Variants in ZNF277 observed in about 807,000 individuals in gnomAD.
ZNF277 encodes the protein zinc finger protein 277.
Under a neutral mutation model 60.7 loss-of-function variants are expected in ZNF277, and 55 were observed. That is an observed-to-expected ratio of 0.91 (90% CI 0.73 to 1.13). ZNF277 has a LOEUF of 1.13. ZNF277 is among the 50% of genes most tolerant of loss of function. ZNF277 has a pLI of 0.00. For synonymous variants in ZNF277, 178 were observed against 179.3 expected (o/e 0.99, Z 0.06); for missense variants, 510 against 523.0 (o/e 0.98, Z 0.24).
intron 1 of ZNF277, among the ~76,000 whole-genome samples, chr7:112,261,351 G>A (rs1791434775): frequency 6.6e-6 from 1 of 152,072 alleles, no homozygotes; most frequent in South Asian, 2.1e-4. Context: ...TTGGTTTTCA[G>A]CTTATTTATT....
chr7:112,341,975 C>T (rs1219535494), intron 11 of ZNF277, among the ~76,000 whole-genome samples: 1 of 151,488 alleles, frequency 6.6e-6, no homozygotes, highest in Non-Finnish European at 1.5e-5. Context: ...ACCAGAATAA[C>T]AAACTTTATA....
At chr7:112,230,605 CCT>C (rs1393756840) in intron 1 of ZNF277, among the ~76,000 whole-genome samples, 1 of 152,130 alleles carries the variant, frequency 6.6e-6, no homozygotes, top group African/African-American at 2.4e-5. Flanking sequence ...AGTAATTAAA[CCT>C]CTTTGTTGAG....
In ZNF277 at chr7:112,330,132, T is replaced by C. The variant is rs757920493; in HGVS notation, c.717T>C (p.Leu239=). 3 of 1,613,494 alleles carry C rather than the reference T, an allele frequency of 1.9e-6. No homozygotes were observed. In the South Asian group the frequency reaches 3.3e-5, roughly 18 times the overall value. The change falls in exon 7 of 12, where the codon CTT becomes CTC. Residue 239 remains leucine, a synonymous_variant. Coordinates refer to ENST00000361822, the MANE Select transcript of ZNF277 (RefSeq NM_021994.3). The stretch of plus-strand genomic sequence containing the variant: ...AGACCTTCAGGGACAAAAATACACT[T>C]AAAGATCACATGAGGAAAAAACAGC... ...CEKTFRDKNT[L]KDHMRKKQHR...
intron 4 of ZNF277, among the ~76,000 whole-genome samples, chr7:112,309,700 A>T (rs1792679025): frequency 1.3e-5 from 2 of 151,956 alleles, no homozygotes; most frequent in African/African-American, 4.8e-5. Context: ...ACAGCCCTCC[A>T]CAGACTATCC....
At chr7:112,279,378 T>C (rs1791890883) in intron 1 of ZNF277, among the ~76,000 whole-genome samples, 1 of 152,222 alleles carries the variant, frequency 6.6e-6, no homozygotes, top group Non-Finnish European at 1.5e-5. Context: ...TTCTGGGTTT[T>C]TTTTAGTAAT....
At chr7:112,335,983 A>C in intron 7 of ZNF277, 121 bp from the exon 8 acceptor site, 1 of 708,254 alleles carries the variant, frequency 1.4e-6, no homozygotes, top group East Asian at 2.9e-5. Flanking sequence ...TACTGTTTCA[A>C]AACCATTTAA....
At chr7:112,310,639 C>T (rs75767969) in intron 4 of ZNF277, among the ~76,000 whole-genome samples, 1 of 151,950 alleles carries the variant, frequency 6.6e-6, no homozygotes, top group African/African-American at 2.4e-5. Context: ...ATCCCAGATA[C>T]CTCAGAGTTA....
At chr7:112,286,080 G>A (rs1792057151) in intron 1 of ZNF277, among the ~76,000 whole-genome samples, 2 of 152,190 alleles carry the variant, frequency 1.3e-5, no homozygotes, top group Non-Finnish European at 1.5e-5. Context: ...TGTCACGACT[G>A]GCTGTGGTTT....
chr7:112,318,840 G>A (rs1007937169), intron 5 of ZNF277, among the ~76,000 whole-genome samples: 1 of 152,032 alleles, frequency 6.6e-6, no homozygotes, highest in African/African-American at 2.4e-5. Context: ...CCAAAGTTTT[G>A]ACCACTGGTT....
chr7:112,296,495 G>A (rs1366865069), intron 4 of ZNF277, among the ~76,000 whole-genome samples, 184 bp downstream of exon 4: 1 of 151,372 alleles, frequency 6.6e-6, no homozygotes, highest in East Asian at 1.9e-4. Flanking sequence ...AAATTAAAGC[G>A]TTTTATGTTA....
chr7:112,326,316 A>G (rs896901196), intron 5 of ZNF277, among the ~76,000 whole-genome samples: 2 of 151,922 alleles, frequency 1.3e-5, no homozygotes, highest in Non-Finnish European at 2.9e-5. Flanking sequence ...CTTTACCCCA[A>G]CATGGCCTCG....
intron 9 of ZNF277, among the ~76,000 whole-genome samples, chr7:112,338,855 A>G (rs1267425331): frequency 6.6e-6 from 1 of 152,188 alleles, no homozygotes; most frequent in African/African-American, 2.4e-5. Context: ...CTGCTGGGTC[A>G]CTTTCAGTGA....
rs1285014577 is a variant in ZNF277, at chr7:112,259,655, GA to G, written c.92-27213del. On this transcript the variant is annotated intron_variant, in intron 1 of 11. Transcript: ENST00000361822. ...ATTTAAAAAGAAAGAAAGAAAGAAA[GA>G]AAAAGGCAGCTTTAGGAGAGATTTT... Among the ~76,000 whole-genome samples, 8 of 152,238 alleles carry G rather than the reference GA, an allele frequency of 5.3e-5. No individual in the cohort carries two copies. The East Asian group carries it at 7.7e-4, about 15-fold the overall frequency.
chr7:112,294,522 A>G (rs901269271), intron 2 of ZNF277, among the ~76,000 whole-genome samples: 6 of 152,214 alleles, frequency 3.9e-5, no homozygotes, highest in African/African-American at 1.4e-4. Context: ...GCACTGTTTT[A>G]TAAGGAAAGG....
Position 112,343,558 on chromosome 7 carries a change from TGAG to T in ZNF277, c.*835_*837del, listed in dbSNP as rs1262967358. Among the ~76,000 whole-genome samples, 2 of 152,176 alleles carry T rather than the reference TGAG, an allele frequency of 1.3e-5. No homozygotes were observed. Among genetic ancestry groups the T allele is most frequent in the African/African-American group, 4.8e-5 (2 of 41,430 alleles). ...TTATATGCCTCCTGATAAGATGTAC[TGAG>T]GAGGACAGAATATCACTTTTGTAGA... On this transcript the variant is annotated 3_prime_UTR_variant, in exon 12 of 12. Transcript: ENST00000361822.
At chr7:112,320,157 A>G (rs10257677) in intron 5 of ZNF277, among the ~76,000 whole-genome samples, 52,381 of 151,872 alleles carry the variant, frequency 0.34, 10,799 homozygotes, top group African/African-American at 0.57. Flanking sequence ...TTACAGTATT[A>G]GTATTTGAAC....
Position 112,336,181 on chromosome 7 carries a change from G to T in ZNF277, c.869+10G>T, listed in dbSNP as rs1042158259. ...TGGACCATCAGGAAGAGTAAGAGTT[G>T]TTATTGCTGCTAATTAATTGCAGTG... On this transcript the variant is annotated intron_variant, in intron 8 of 11. Transcript: ENST00000361822. The T allele has an allele frequency of 2.5e-6, 4 of 1,604,948 alleles. No individual in the cohort carries two copies. The highest frequency in any genetic ancestry group is 2.7e-5 in the African/African-American group (2 of 74,460).
At chr7:112,285,018 A>C (rs959528962) in intron 1 of ZNF277, among the ~76,000 whole-genome samples, 2 of 151,910 alleles carry the variant, frequency 1.3e-5, no homozygotes, top group African/African-American at 4.8e-5. Flanking sequence ...GCCCTCTTAC[A>C]TTGCTTATAT....
intron 1 of ZNF277, among the ~76,000 whole-genome samples, chr7:112,282,479 G>A (rs1261548391): frequency 6.6e-6 from 1 of 152,202 alleles, no homozygotes; most frequent in Non-Finnish European, 1.5e-5. Flanking sequence ...CTTGACTAGT[G>A]ACTGGCACTT....
Sources: allele counts gnomAD v4.1 joint callset (sites outside exome capture counted in the v4.1 genomes callset), GRCh38; gene constraint gnomAD v4.1.1; transcripts MANE v1.5; gene names NCBI Gene and HGNC (gene_info 2026-07-23, HGNC 2026-07-21).